Variants in TRPC4 observed in about 807,000 individuals in gnomAD.
The protein encoded by TRPC4 is short transient receptor potential channel 4.
TRPC4 carries 49 observed loss-of-function variants against 99.4 expected under a neutral mutation model. That is an observed-to-expected ratio of 0.49 (90% CI 0.39 to 0.63). The LOEUF is 0.63. TRPC4 is among the 20% of genes least tolerant of loss of function. The pLI, the probability that TRPC4 is intolerant of heterozygous loss-of-function variation, is 0.00. For missense variants in TRPC4, 898 were observed against 1,152.9 expected, an observed-to-expected ratio of 0.78 and a Z score of 3.20; for synonymous variants, 454 against 425.9, an observed-to-expected ratio of 1.07 and a Z score of -0.81.
At chr13:37,749,742 T>A (rs1429241746) in intron 2 of TRPC4, among the ~76,000 whole-genome samples, 1 of 152,152 alleles carries the variant, frequency 6.6e-6, no homozygotes, top group South Asian at 2.1e-4. Flanking sequence ...AAGTTCTCCA[T>A]CTTCTCCTTT....
chr13:37,637,010 T>C lies in TRPC4; in HGVS notation c.2827A>G (p.Ile943Val), dbSNP rs764801537. Residue 943 changes from isoleucine (I) to valine (V), a missense_variant, in exon 11 of 11, where the codon ATA becomes GTA. By Grantham distance (29) the Ile-to-Val change is conservative. Around this residue, in one of 3 missense-constraint regions of TRPC4, gnomAD observed 346 missense variants for 351.4 expected, o/e 0.98. Transcript: ENST00000379705. ...EKVVVEDTVPIIPKEKHAKEE... is the reference protein window; with the variant it reads ...EKVVVEDTVPVIPKEKHAKEE... ...TTTGCATGTTTCTCCTTTGGTATTA[T>C]AGGAACCGTGTCCTCCACCACCACC... 6.2e-6 allele frequency: 10 copies of C among 1,613,688 alleles called. No individual in the cohort carries two copies. Among genetic ancestry groups the C allele is most frequent in the African/African-American group, 1.3e-5 (1 of 74,908 alleles).
chr13:37,664,057 A>G (rs1451162632), intron 5 of TRPC4, among the ~76,000 whole-genome samples: 1 of 152,188 alleles, frequency 6.6e-6, no homozygotes, highest in Non-Finnish European at 1.5e-5. Flanking sequence ...CTAACTTTTT[A>G]CATTTAATAT....
In TRPC4 at chr13:37,783,244, C is replaced by G; in HGVS notation, c.90G>C (p.Ser30=). The G allele has an allele frequency of 6.2e-7, 1 of 1,613,582 alleles. No homozygotes were observed. Among genetic ancestry groups the G allele is most frequent in the Non-Finnish European group, 8.5e-7 (1 of 1,179,738 alleles). Residue 30 remains serine, a synonymous_variant, in exon 2 of 11, where the codon TCG becomes TCC. Transcript: ENST00000379705. ...CATTCAAGTAGGCTTTTTCTGATGG[C>G]GAGAGTTCTGATTCTGCTCTTACTA... The part of the protein sequence containing the change: ...LRIVRAESEL[S]PSEKAYLNAV...
chr13:37,638,351 G>GT (rs1157411041), intron 10 of TRPC4, among the ~76,000 whole-genome samples: 10 of 152,162 alleles, frequency 6.6e-5, no homozygotes, highest in African/African-American at 2.4e-4. Flanking sequence ...TGCACTTTAA[G>GT]TTTTGTAATT....
intron 2 of TRPC4, among the ~76,000 whole-genome samples, chr13:37,776,820 T>C (rs1013035053): frequency 1.3e-5 from 2 of 151,926 alleles, no homozygotes. Flanking sequence ...AAACAGCCAG[T>C]AAGTGGATTC....
intron 1 of TRPC4, among the ~76,000 whole-genome samples, chr13:37,830,348 T>C (rs1958384396): frequency 6.6e-6 from 1 of 152,104 alleles, no homozygotes; most frequent in African/African-American, 2.4e-5. Context: ...TTAAAATGGT[T>C]AAGTACATGA....
At chr13:37,661,651 A>T (rs899127012) in intron 6 of TRPC4, among the ~76,000 whole-genome samples, 1 of 152,198 alleles carries the variant, frequency 6.6e-6, no homozygotes, top group African/African-American at 2.4e-5. Flanking sequence ...AGGGTTCTCC[A>T]TCAGAAATCC....
At chr13:37,776,254 T>A (rs1333371) in intron 2 of TRPC4, among the ~76,000 whole-genome samples, 68,591 of 151,538 alleles carry the variant, frequency 0.45, 15,823 homozygotes, top group Middle Eastern at 0.5. Flanking sequence ...ATTGAAAATA[T>A]CAAATTTGGG....
At chr13:37,825,324 G>C (rs1200868856) in intron 1 of TRPC4, among the ~76,000 whole-genome samples, 1 of 149,424 alleles carries the variant, frequency 6.7e-6, no homozygotes, top group African/African-American at 2.5e-5. Context: ...GCTTTTGAAT[G>C]TGTTTGCTCT....
At chr13:37,745,474 A>ATATATATATATG in intron 3 of TRPC4, among the ~76,000 whole-genome samples, 1 of 2,124 alleles carries the variant, frequency 4.7e-4, no homozygotes, top group African/African-American at 8.5e-4. Flanking sequence ...ATATATATAT[A>ATATATATATATG]CACACACACA....
chr13:37,652,168 T>C (rs1376713157), intron 7 of TRPC4, among the ~76,000 whole-genome samples: 1 of 152,220 alleles, frequency 6.6e-6, no homozygotes, highest in African/African-American at 2.4e-5. Context: ...TTTGTGGCAA[T>C]TAGATTTGGG....
intron 3 of TRPC4, among the ~76,000 whole-genome samples, chr13:37,716,707 C>A (rs2139012314): frequency 6.6e-6 from 1 of 152,008 alleles, no homozygotes; most frequent in South Asian, 2.1e-4. Context: ...TTCAGATAAA[C>A]AGATCTTAAA....
intron 1 of TRPC4, among the ~76,000 whole-genome samples, chr13:37,787,149 A>G (rs1375548962): frequency 6.6e-6 from 1 of 151,998 alleles, no homozygotes; most frequent in Non-Finnish European, 1.5e-5. Flanking sequence ...AGGAATATTT[A>G]ATATAGAGAG....
intron 4 of TRPC4, among the ~76,000 whole-genome samples, chr13:37,675,589 C>A (rs56312513): frequency 0.23 from 34,887 of 152,030 alleles, 4,490 homozygotes; most frequent in Admixed American, 0.31. Context: ...AGTGTCCTCT[C>A]CAGGCTCCTC....
intron 1 of TRPC4, among the ~76,000 whole-genome samples, chr13:37,840,547 A>G (rs929177948): frequency 1.3e-5 from 2 of 152,030 alleles, no homozygotes; most frequent in Admixed American, 6.6e-5. Flanking sequence ...TTATTTTAGT[A>G]TTAACTTTAA....
At chr13:37,721,216 GTTTC>G (rs1660418878) in intron 3 of TRPC4, among the ~76,000 whole-genome samples, 2 of 152,166 alleles carry the variant, frequency 1.3e-5, no homozygotes, top group Admixed American at 6.5e-5. Flanking sequence ...AAACCCTCTA[GTTTC>G]TTTATTTCCT....
chr13:37,683,828 C>T (rs1232211407), intron 4 of TRPC4, among the ~76,000 whole-genome samples: 1 of 152,224 alleles, frequency 6.6e-6, no homozygotes, highest in South Asian at 2.1e-4. Flanking sequence ...TCCTTCAAGC[C>T]ATGGGTCAGG....
intron 1 of TRPC4, among the ~76,000 whole-genome samples, chr13:37,815,577 A>T (rs2139501178): frequency 6.6e-6 from 1 of 152,166 alleles, no homozygotes; most frequent in East Asian, 1.9e-4. Context: ...ACTATTCTAA[A>T]TATATATGCA....
At chr13:37,790,485 ACTAT>A (rs1329359148) in intron 1 of TRPC4, among the ~76,000 whole-genome samples, 1 of 152,176 alleles carries the variant, frequency 6.6e-6, no homozygotes, top group African/African-American at 2.4e-5. Flanking sequence ...ACCAATAACC[ACTAT>A]TTGCATATAA....
Sources: gnomAD v4.1 joint callset for allele counts (sites outside exome capture counted in the v4.1 genomes callset) on GRCh38, gnomAD v4.1.1 for gene constraint, gnomAD v4.1.1 regional missense constraint, MANE v1.5 for transcripts, NCBI Gene and HGNC (gene_info 2026-07-23, HGNC 2026-07-21) for gene names.